Variants in DDC observed in about 807,000 individuals in gnomAD.
The protein encoded by DDC is aromatic-L-amino-acid decarboxylase.
DDC carries 43 observed loss-of-function variants against 60.0 expected under a neutral mutation model. That is an observed-to-expected ratio of 0.72 (90% confidence interval 0.56 to 0.92). The LOEUF is 0.92. Ranked by LOEUF, DDC falls within the 40% of genes least tolerant of loss-of-function variation. The pLI, the probability that DDC is intolerant of heterozygous loss-of-function variation, is 0.00. For synonymous variants in DDC, 232 were observed against 234.6 expected, an observed-to-expected ratio of 0.99 and a Z score of 0.10; for missense variants, 573 against 620.2, an observed-to-expected ratio of 0.92 and a Z score of 0.81.
intron 11 of DDC, among the ~76,000 whole-genome samples, chr7:50,473,409 C>T (rs56398308): frequency 0.029 from 4,403 of 152,156 alleles, 94 homozygotes; most frequent in East Asian, 0.082. Context: ...GGCCTAATGC[C>T]TGTGCTTCGC....
At chr7:50,516,236 C>A (rs2043725305) in intron 6 of DDC, among the ~76,000 whole-genome samples, 1 of 152,142 alleles carries the variant, frequency 6.6e-6, no homozygotes, top group Non-Finnish European at 1.5e-5. Flanking sequence ...CTCTCTCAGA[C>A]CACAGTGGAA....
At chr7:50,476,829 C>T (rs192324857) in intron 10 of DDC, among the ~76,000 whole-genome samples, 186 bp from the exon 11 acceptor site, 16 of 152,220 alleles carry the variant, frequency 1.1e-4, no homozygotes, top group South Asian at 2.1e-4. Flanking sequence ...GGGTGTGTCC[C>T]GAGAACAGGA....
intron 2 of DDC, among the ~76,000 whole-genome samples, chr7:50,541,749 A>G (rs954336503): frequency 2.0e-5 from 3 of 152,238 alleles, no homozygotes; most frequent in Admixed American, 6.5e-5. Context: ...AGTCCAAGCT[A>G]AGATATCTGT....
chr7:50,535,295 C>T (rs1362098139), intron 4 of DDC, among the ~76,000 whole-genome samples: 3 of 152,094 alleles, frequency 2.0e-5, no homozygotes, highest in African/African-American at 7.2e-5. Flanking sequence ...TATAGGTGCC[C>T]GCCACCACAC....
rs545013377 is a variant in DDC at position 50,539,863 on chromosome 7, C to T, written c.315+52G>A. The T allele has an allele frequency of 7.4e-5, 105 of 1,427,884 alleles. No homozygotes were observed. The East Asian group carries it at 1.8e-3, about 25-fold the overall frequency. 88.5% of individuals were successfully genotyped at this position (1,427,884 alleles called of 1,614,324 possible). The stretch of plus-strand genomic sequence containing the variant: ...GTGCATAGGTACCGTGTCCCCACCC[C>T]GGGATCCCACCACAGCCAGGACCCC... On this transcript the variant is annotated intron_variant, in intron 3 of 14. Transcript: ENST00000444124.
intron 8 of DDC, among the ~76,000 whole-genome samples, chr7:50,497,951 A>T (rs942932307): frequency 2.6e-5 from 4 of 152,192 alleles, no homozygotes; most frequent in Non-Finnish European, 4.4e-5. Flanking sequence ...CATTATGAGA[A>T]TTCAAAGTTG....
intron 3 of DDC, 36 bp from the exon 4 acceptor site, chr7:50,538,015 C>T (rs1384514631): frequency 6.2e-7 from 1 of 1,614,034 alleles, no homozygotes; most frequent in Admixed American, 1.7e-5. Context: ...AACCGAGGGC[C>T]AGGCATTGCA....
At chr7:50,486,170 C>A (rs779420636) in intron 9 of DDC, among the ~76,000 whole-genome samples, 2 of 152,190 alleles carry the variant, frequency 1.3e-5, no homozygotes, top group Non-Finnish European at 1.5e-5. Flanking sequence ...CACCAAAAAA[C>A]AGCTCTCATT....
intron 6 of DDC, among the ~76,000 whole-genome samples, chr7:50,511,602 G>C (rs182332434): frequency 5.3e-5 from 8 of 152,168 alleles, no homozygotes; most frequent in Non-Finnish European, 1.0e-4. Flanking sequence ...GGTGGCACAC[G>C]CCTGTAGTCC....
intron 1 of DDC, among the ~76,000 whole-genome samples, chr7:50,551,737 G>A (rs150434759): frequency 5.6e-4 from 85 of 152,060 alleles, no homozygotes; most frequent in African/African-American, 1.9e-3. Flanking sequence ...CCTCATTTTT[G>A]TTGGACCCAA....
At chr7:50,497,054 C>T (rs761562689) in intron 8 of DDC, among the ~76,000 whole-genome samples, 2 of 152,150 alleles carry the variant, frequency 1.3e-5, no homozygotes, top group Non-Finnish European at 2.9e-5. Flanking sequence ...TTATGAGTTC[C>T]CTCCTATGGG....
chr7:50,458,787 A>G lies in DDC; in HGVS notation c.*75T>C, dbSNP rs914718265. ...AGCTGAGTTCCATGAAGGCAGGATG[A>G]TATTTATTTGCTTCTTATTCCAGTT... On this transcript the variant is annotated 3_prime_UTR_variant, in exon 15 of 15. Coordinates refer to ENST00000444124, the MANE Select transcript of DDC (RefSeq NM_001082971.2). 3.3e-5 allele frequency: 5 copies of G among 152,110 alleles called. No homozygotes were observed. Among genetic ancestry groups the G allele is most frequent in the African/African-American group, 9.7e-5 (4 of 41,418 alleles). The allele number at this position is 152,110 out of a possible 1,614,324, so 9.4% of individuals were successfully genotyped here. A position where few individuals can be genotyped will look rare whatever the true frequency, so the allele number is the denominator to read the frequency against.
chr7:50,476,627 G>T lies in DDC; in HGVS notation c.1038C>A (p.Tyr346Ter). The T allele has an allele frequency of 6.2e-7, 1 of 1,612,536 alleles. No individual in the cohort carries two copies. The part of the protein sequence containing the change: ...SHQDSGLITD[Y>*]RHWQIPLGRR... Reference sequence around the variant, plus strand: ...TACAGTGGAATCTCCCACTTACCCGGTAGTCAGTGATAAGCCCTGGAGAAA... The same window carrying T: ...TACAGTGGAATCTCCCACTTACCCGTTAGTCAGTGATAAGCCCTGGAGAAA... The change falls in exon 11 of 15, where the codon TAC (tyrosine) becomes TAA (stop). Residue 346 changes from tyrosine to a stop codon, truncating the protein, a stop_gained. Coordinates refer to ENST00000444124, the MANE Select transcript of DDC (RefSeq NM_001082971.2). LOFTEE classifies it high-confidence loss of function.
intron 14 of DDC, among the ~76,000 whole-genome samples, chr7:50,462,961 G>C (rs578168265): frequency 2.0e-5 from 3 of 152,114 alleles, no homozygotes; most frequent in African/African-American, 7.2e-5. Flanking sequence ...GTAGAGACAG[G>C]GTTTCACCAC....
At chr7:50,519,584 C>G (rs983966985) in intron 6 of DDC, among the ~76,000 whole-genome samples, 17 of 152,312 alleles carry the variant, frequency 1.1e-4, no homozygotes, top group African/African-American at 4.1e-4. Context: ...GAATTAACAG[C>G]ATTCGCAGTG....
intron 9 of DDC, among the ~76,000 whole-genome samples, chr7:50,481,778 T>G (rs2042774626): frequency 6.6e-6 from 1 of 152,254 alleles, no homozygotes; most frequent in African/African-American, 2.4e-5. Context: ...TATATTATTT[T>G]GCACACTGCT....
chr7:50,544,243 GT>G, intron 1 of DDC, 130 bp from the exon 2 acceptor site: 1 of 721,348 alleles, frequency 1.4e-6, no homozygotes. Context: ...TGGATCCCAA[GT>G]AAGGGGCGCT....
chr7:50,559,971 G>A (rs1243331600), intron 1 of DDC, among the ~76,000 whole-genome samples: 1 of 152,174 alleles, frequency 6.6e-6, no homozygotes, highest in Admixed American at 6.5e-5. Flanking sequence ...CGCCCACCTA[G>A]CGTGTGCCCA....
intron 4 of DDC, among the ~76,000 whole-genome samples, chr7:50,532,976 A>G (rs948506599): frequency 6.6e-6 from 1 of 152,206 alleles, no homozygotes; most frequent in Non-Finnish European, 1.5e-5. Flanking sequence ...GTGTCCTCCA[A>G]AATTTTTTTT....
Sources: gnomAD v4.1 joint callset for allele counts (sites outside exome capture counted in the v4.1 genomes callset) on GRCh38, gnomAD v4.1.1 for gene constraint, MANE v1.5 for transcripts, NCBI Gene and HGNC (gene_info 2026-07-23, HGNC 2026-07-21) for gene names.